Variants in FMNL1 observed in about 807,000 individuals in gnomAD.
The protein encoded by FMNL1 is formin like 1, also known as formin-like protein 1.
A neutral mutation model predicts 121.3 loss-of-function variants in FMNL1; 43 were observed. That is an observed-to-expected ratio of 0.35 (90% CI 0.28 to 0.46). The LOEUF is 0.46. FMNL1 is among the 20% of genes least tolerant of loss of function. The pLI is 1.00. For missense variants in FMNL1, 1,191 were observed against 1,482.4 expected, an observed-to-expected ratio of 0.80 and a Z score of 3.23; for synonymous variants, 613 against 613.5, an observed-to-expected ratio of 1.00 and a Z score of 0.01.
At position 45,241,386 on chromosome 17, in the gene FMNL1, G is replaced by T; in HGVS notation, c.1337G>T (p.Arg446Leu). The change falls in exon 14 of 27, where the codon CGC becomes CTC. Residue 446 changes from arginine to leucine, a missense_variant. Around this residue, in one of 4 missense-constraint regions of FMNL1, gnomAD observed 519 missense variants for 492.8 expected, o/e 1.05. Transcript: ENST00000331495. The surrounding 1 kb of genome is among the most constrained non-coding windows in gnomAD (Gnocchi z 7.0). Reference protein sequence around the residue: ...ARKELETLRERFSESTAMGPS... With the variant: ...ARKELETLRELFSESTAMGPS... ...CCCCTCCCGTGGGGTTCGTAGGAGC[G>T]CTTCAGCGAATCGACCGCCATGGGG... The T allele has an allele frequency of 6.4e-7, 1 of 1,570,970 alleles. No individual in the cohort carries two copies. The highest frequency in any genetic ancestry group is 8.6e-7 in the Non-Finnish European group (1 of 1,158,808).
intron 19 of FMNL1, 126 bp downstream of exon 19, chr17:45,244,370 G>C: frequency 8.1e-7 from 1 of 1,237,840 alleles, no homozygotes; most frequent in Non-Finnish European, 1.1e-6. Context: ...TGCTGAGAAG[G>C]ACAAATCTAA....
intron 6 of FMNL1, among the ~76,000 whole-genome samples, chr17:45,235,839 A>G (rs894322149): frequency 6.6e-6 from 1 of 152,216 alleles, no homozygotes; most frequent in African/African-American, 2.4e-5. Context: ...CCAAGTGGCC[A>G]TGAGCGCCAC....
Position 45,232,475 on chromosome 17 carries a change from C to T in FMNL1, c.322C>T (p.Leu108=). Residue 108 remains leucine (L), a synonymous_variant, in exon 3 of 27, where the codon CTG becomes TTG. Transcript: ENST00000331495. Reference sequence around the variant, plus strand: ...GGTAGCAGCTGATTGGATGTCCAACCTGGGGGTACATGTCTCCCCTCTTTA... The same window carrying T: ...GGTAGCAGCTGATTGGATGTCCAACTTGGGGGTACATGTCTCCCCTCTTTA... ...RKVAADWMSN[L]GFKRRVQEST... 2.5e-6 allele frequency: 4 copies of T among 1,613,964 alleles called. No individual in the cohort carries two copies. The highest frequency in any genetic ancestry group is 3.4e-6 in the Non-Finnish European group (4 of 1,179,874).
Position 45,245,938 on chromosome 17 carries a change from G to A in FMNL1, c.3055G>A (p.Asp1019Asn). The A allele has an allele frequency of 6.3e-7, 1 of 1,584,944 alleles. No homozygotes were observed. Among genetic ancestry groups the A allele is most frequent in the Non-Finnish European group, 8.5e-7 (1 of 1,169,812 alleles). Reference sequence around the variant, plus strand: ...AGCCGCTGCCCAGGAGGCAGGCGCTGATACCCCGGGCAAAGGGGAGCCCCC... The same window carrying A: ...AGCCGCTGCCCAGGAGGCAGGCGCTAATACCCCGGGCAAAGGGGAGCCCCC... Reference protein sequence around the residue: ...KEAAAQEAGADTPGKGEPPAP... With the variant: ...KEAAAQEAGANTPGKGEPPAP... Residue 1019 changes from aspartate to asparagine, a missense_variant, in exon 24 of 27, where the codon GAT becomes AAT. By Grantham distance (23) the Asp-to-Asn change is conservative. Transcript: ENST00000331495.
intron 1 of FMNL1, among the ~76,000 whole-genome samples, chr17:45,229,445 G>C (rs528851291): frequency 6.6e-6 from 1 of 152,368 alleles, no homozygotes; most frequent in East Asian, 1.9e-4. Context: ...CGTCTCTGCA[G>C]AGCCACATGA....
At chr17:45,228,340 C>A (rs181104846) in intron 1 of FMNL1, among the ~76,000 whole-genome samples, 3 of 152,282 alleles carry the variant, frequency 2.0e-5, no homozygotes, top group Non-Finnish European at 4.4e-5. Flanking sequence ...GGCATGGGCA[C>A]CCTGCCCTCC....
At position 45,243,863 on chromosome 17, in the gene FMNL1, C is replaced by T; in HGVS notation, c.2286C>T (p.Arg762=). 2 of 1,613,970 alleles carry T rather than the reference C, an allele frequency of 1.2e-6. No individual in the cohort carries two copies. Among genetic ancestry groups the T allele is most frequent in the Non-Finnish European group, 8.5e-7 (1 of 1,180,042 alleles). ...LMRFLPTEYE[R]SLITRFEREQ... The stretch of plus-strand genomic sequence containing the variant: ...GCTTCCTGCCCACAGAGTATGAGCG[C>T]AGCCTCATCACCCGCTTTGAGCGGG... Residue 762 remains arginine, a synonymous_variant, in exon 18 of 27, where the codon CGC becomes CGT. Transcript: ENST00000331495.
chr17:45,241,785 G>A lies in FMNL1; in HGVS notation c.1586-62G>A. The A allele has an allele frequency of 7.2e-7, 1 of 1,396,956 alleles. No individual in the cohort carries two copies. Among genetic ancestry groups the A allele is most frequent in the South Asian group, 1.6e-5 (1 of 63,248 alleles). The allele number at this position is 1,396,956 out of a possible 1,614,324, so 86.5% of individuals were successfully genotyped here. On this transcript the variant is annotated intron_variant, in intron 14 of 26. Coordinates refer to ENST00000331495, the MANE Select transcript of FMNL1 (RefSeq NM_005892.4). The surrounding 1 kb of genome is among the most constrained non-coding windows in gnomAD (Gnocchi z 7.0). The stretch of plus-strand genomic sequence containing the variant: ...ATGCGTAGAGCGGAGAGGCGGAGAG[G>A]GGCCCACCCAAGTCAAGGAGCTGAC...
At chr17:45,235,619 G>A (rs2043533958) in intron 6 of FMNL1, among the ~76,000 whole-genome samples, 1 of 152,194 alleles carries the variant, frequency 6.6e-6, no homozygotes, top group Admixed American at 6.6e-5. Context: ...CAGTCATATA[G>A]CACTTACTAT....
intron 9 of FMNL1, chr17:45,238,358 A>C: frequency 1.9e-6 from 1 of 540,004 alleles, no homozygotes; most frequent in East Asian, 3.2e-5. Flanking sequence ...TGGGGTGGGA[A>C]TGTGCCAGGA....
Position 45,237,656 on chromosome 17 carries a change from C to T in FMNL1, c.894+17C>T. 1.2e-6 allele frequency: 2 copies of T among 1,612,692 alleles called. No homozygotes were observed. Among genetic ancestry groups the T allele is most frequent in the Non-Finnish European group, 1.7e-6 (2 of 1,178,778 alleles). ...TTCAAGGAGGTACCGGAGTCCCTCACCCAAACATGCATTTCCCCCTATGGT... is the reference window on the plus strand; with the variant it reads ...TTCAAGGAGGTACCGGAGTCCCTCATCCAAACATGCATTTCCCCCTATGGT... On this transcript the variant is annotated intron_variant, in intron 9 of 26. Coordinates refer to ENST00000331495, the MANE Select transcript of FMNL1 (RefSeq NM_005892.4). This position sits in a 1 kb window ranked among gnomAD's most constrained non-coding sequence, Gnocchi z 4.4.
intron 1 of FMNL1, 49 bp from the exon 2 acceptor site, chr17:45,230,555 C>G: frequency 1.3e-6 from 2 of 1,598,032 alleles, no homozygotes; most frequent in Non-Finnish European, 1.7e-6. Context: ...CTCCCCTCTC[C>G]CCTTGTTGGG....
chr17:45,241,991 CGCCGCCGCTGCCCGGAGACCT>C lies in FMNL1; in HGVS notation c.1737_1757del (p.Leu580_Pro586del). 7 of 1,294,274 alleles carry C rather than the reference CGCCGCCGCTGCCCGGAGACCT, an allele frequency of 5.4e-6. No homozygotes were observed. The highest frequency in any genetic ancestry group is 6.9e-6 in the Non-Finnish European group (7 of 1,019,930). 80.2% of individuals were successfully genotyped at this position (1,294,274 alleles called of 1,614,324 possible). ...CCTGGCAGCCCGGAGCCCCCGCCTG[CGCCGCCGCTGCCCGGAGACCT>C]GCCGCCCCCACCCCCGCCACCGCCA... On this transcript the variant is annotated inframe_deletion, in exon 15 of 27. Transcript: ENST00000331495. This position sits in a 1 kb window ranked among gnomAD's most constrained non-coding sequence, Gnocchi z 7.0.
chr17:45,232,784 T>G, intron 3 of FMNL1: 1 of 580,908 alleles, frequency 1.7e-6, no homozygotes. Context: ...ATGTGTGTAC[T>G]TTGTCCACTT....
At chr17:45,236,548 C>T (rs2043554820) in intron 7 of FMNL1, 1 of 251,262 alleles carries the variant, frequency 4.0e-6, no homozygotes, top group African/African-American at 2.2e-5. Flanking sequence ...GGAGAACAGC[C>T]TCGGGTCGAT....
At chr17:45,223,513 C>T (rs1263352319) in intron 1 of FMNL1, among the ~76,000 whole-genome samples, 1 of 152,150 alleles carries the variant, frequency 6.6e-6, no homozygotes, top group Admixed American at 6.5e-5. Flanking sequence ...TGTGAAGACA[C>T]CTTGCTTGAT....
At chr17:45,245,611 G>T in intron 22 of FMNL1, 21 bp from the exon 23 acceptor site, 1 of 1,613,206 alleles carries the variant, frequency 6.2e-7, no homozygotes. Context: ...AAGCTGGGGG[G>T]CTGACAGGCT....
chr17:45,242,353 A>G lies in FMNL1; in HGVS notation c.1898A>G (p.Lys633Arg), dbSNP rs778476856. 11 of 1,614,046 alleles carry G rather than the reference A, an allele frequency of 6.8e-6. No homozygotes were observed. In the Admixed American group the frequency reaches 8.3e-5, roughly 12 times the overall value. Residue 633 changes from lysine to arginine, a missense_variant, in exon 16 of 27, where the codon AAG becomes AGG. By Grantham distance (26) the Lys-to-Arg change is conservative (BLOSUM62 2). Around this residue, in one of 4 missense-constraint regions of FMNL1, gnomAD observed 519 missense variants for 492.8 expected, o/e 1.05. Coordinates refer to ENST00000331495, the MANE Select transcript of FMNL1 (RefSeq NM_005892.4). ...ACCCCCGTCCCAGGAGTGAAGGCCA[A>G]GAAGCCCATCCAGACTAAGTTCCGA... ...DSELGPGVKA[K>R]KPIQTKFRMP...
In FMNL1 at chr17:45,233,927, A is replaced by G. The variant is rs2043495371; in HGVS notation, c.486-145A>G. On this transcript the variant is annotated intron_variant, in intron 5 of 26. Transcript: ENST00000331495. This position sits in a 1 kb window ranked among gnomAD's most constrained non-coding sequence, Gnocchi z 4.1. The stretch of plus-strand genomic sequence containing the variant: ...GAGGGGTGGCCTCTCTTCCACCACT[A>G]TGTTCAGCACAGTGCCAAGAACACA... 5.1e-6 allele frequency: 7 copies of G among 1,359,494 alleles called. No individual in the cohort carries two copies. Among genetic ancestry groups the G allele is most frequent in the African/African-American group, 2.9e-5 (2 of 68,404 alleles). The allele number at this position is 1,359,494 out of a possible 1,614,324, so 84.2% of individuals were successfully genotyped here. A position where few individuals can be genotyped will look rare whatever the true frequency, so the allele number is the denominator to read the frequency against.
Sources: gnomAD v4.1 joint callset for allele counts (sites outside exome capture counted in the v4.1 genomes callset) on GRCh38, gnomAD v4.1.1 for gene constraint, gnomAD v4.1.1 regional missense constraint, Gnocchi (gnomAD v3.1) non-coding constraint, MANE v1.5 for transcripts, NCBI Gene and HGNC (gene_info 2026-07-23, HGNC 2026-07-21) for gene names.